The following RNGTT variants were observed in gnomAD, a reference collection of about 807,000 sequenced individuals.
RNGTT encodes the protein RNA guanylyltransferase and 5'-phosphatase, also known as mRNA-capping enzyme.
Under a neutral mutation model 79.3 loss-of-function variants are expected in RNGTT, and 33 were observed. The observed-to-expected ratio is 0.42, with a 90% confidence interval of 0.32 to 0.56. RNGTT has a LOEUF of 0.56. RNGTT is among the 20% of genes least tolerant of loss of function. The pLI, the probability that RNGTT is intolerant of heterozygous loss-of-function variation, is 0.17. For synonymous variants in RNGTT, 222 were observed against 235.9 expected (o/e 0.94, Z 0.54); for missense variants, 497 against 739.1 (o/e 0.67, Z 3.80).
intron 14 of RNGTT, among the ~76,000 whole-genome samples, chr6:88,655,686 G>A (rs776828796): frequency 3.9e-5 from 6 of 152,128 alleles, no homozygotes; most frequent in African/African-American, 1.4e-4. Context: ...TTAAAATATA[G>A]AAGACTTTTT....
chr6:88,745,591 T>C lies in RNGTT; in HGVS notation c.1439+24183A>G, dbSNP rs190802454. The stretch of plus-strand genomic sequence containing the variant: ...TGTTTCTACTTTTTATTATGGTTAC[T>C]AGAAAAATTTAATTACATGTGTGAC... On this transcript the variant is annotated intron_variant, in intron 13 of 15. Coordinates refer to ENST00000369485, the MANE Select transcript of RNGTT (RefSeq NM_003800.5). Among the ~76,000 whole-genome samples, 144 of 152,350 alleles carry C rather than the reference T, an allele frequency of 9.5e-4. 1 individual carries two copies. The highest frequency in any genetic ancestry group is 1.7e-3 in the Non-Finnish European group (115 of 68,034).
chr6:88,624,729 G>C (rs1290214949), intron 14 of RNGTT, among the ~76,000 whole-genome samples: 1 of 151,754 alleles, frequency 6.6e-6, no homozygotes, highest in Non-Finnish European at 1.5e-5. Flanking sequence ...CTGATAAACT[G>C]CATCAAAATT....
intron 14 of RNGTT, among the ~76,000 whole-genome samples, chr6:88,628,950 T>C (rs143035236): frequency 8.5e-5 from 13 of 152,272 alleles, no homozygotes; most frequent in African/African-American, 2.4e-4. Flanking sequence ...TCATAGGTCA[T>C]GCTGAGTTTA....
At chr6:88,950,459 T>G (rs1223338146) in intron 1 of RNGTT, among the ~76,000 whole-genome samples, 1 of 152,170 alleles carries the variant, frequency 6.6e-6, no homozygotes. Flanking sequence ...CTCTGATGAA[T>G]CTGGGCAAAA....
At chr6:88,755,408 C>G (rs533611235) in intron 13 of RNGTT, among the ~76,000 whole-genome samples, 106 of 151,970 alleles carry the variant, frequency 7.0e-4, no homozygotes, top group South Asian at 1.7e-3. Context: ...CAAAAAAATT[C>G]TTGAAATAAA....
intron 1 of RNGTT, among the ~76,000 whole-genome samples, chr6:88,949,158 T>TAAA (rs1491197999): frequency 1.1e-4 from 2 of 18,008 alleles, no homozygotes; most frequent in East Asian, 1.3e-3. Context: ...TAAAATAAAA[T>TAAA]GAAAAAAAAA....
intron 11 of RNGTT, among the ~76,000 whole-genome samples, chr6:88,825,346 A>T (rs1472782734): frequency 2.6e-5 from 4 of 152,236 alleles, no homozygotes; most frequent in African/African-American, 9.6e-5. Flanking sequence ...ACATGGGTGG[A>T]GGTACACAGT....
chr6:88,801,822 G>GACACACACACACAC (rs56124919), intron 11 of RNGTT, among the ~76,000 whole-genome samples, 190 bp from the exon 12 acceptor site: 1 of 123,174 alleles, frequency 8.1e-6, no homozygotes, highest in Non-Finnish European at 1.8e-5. Context: ...CACACACACA[G>GACACACACACACAC]ACACACACAC....
chr6:88,774,886 T>C (rs554985781), intron 12 of RNGTT, among the ~76,000 whole-genome samples: 1 of 152,274 alleles, frequency 6.6e-6, no homozygotes, highest in East Asian at 1.9e-4. Context: ...GTTTTGGAAA[T>C]AGACAGTGGA....
chr6:88,739,201 T>C (rs1209170081), intron 13 of RNGTT, among the ~76,000 whole-genome samples: 3 of 152,102 alleles, frequency 2.0e-5, no homozygotes, highest in Non-Finnish European at 4.4e-5. Context: ...ACTATTCTTA[T>C]TATTAACAAG....
intron 13 of RNGTT, among the ~76,000 whole-genome samples, chr6:88,698,271 T>TATAAATATATATATG (rs1562202368): frequency 5.3e-5 from 5 of 93,906 alleles, no homozygotes; most frequent in African/African-American, 3.7e-4. Context: ...ATATATATGA[T>TATAAATATATATATG]ATATATATTT....
intron 13 of RNGTT, among the ~76,000 whole-genome samples, chr6:88,754,368 T>C (rs752823478): frequency 1.3e-5 from 2 of 152,200 alleles, no homozygotes; most frequent in South Asian, 2.1e-4. Context: ...GACCTTCCTA[T>C]GGGCTGAACA....
chr6:88,790,517 C>T (rs757202089), intron 12 of RNGTT, among the ~76,000 whole-genome samples: 5 of 152,102 alleles, frequency 3.3e-5, no homozygotes, highest in Admixed American at 1.3e-4. Context: ...TTCTCTACTC[C>T]AAGAATAGTA....
At chr6:88,647,715 A>AAAAAAAAAAAAAAAAAAAAAAAAAAAAG (rs531898293) in intron 14 of RNGTT, among the ~76,000 whole-genome samples, 11 of 142,434 alleles carry the variant, frequency 7.7e-5, no homozygotes, top group African/African-American at 3.3e-4. Flanking sequence ...AAAAAAAAAA[A>AAAAAAAAAAAAAAAAAAAAAAAAAAAAG]AAGAAGAAGA....
intron 1 of RNGTT, among the ~76,000 whole-genome samples, chr6:88,945,070 A>C (rs560429347): frequency 6.6e-6 from 1 of 152,342 alleles, no homozygotes; most frequent in East Asian, 1.9e-4. Context: ...ATAGTCCTAC[A>C]TCTTCAATGT....
chr6:88,667,945 A>G (rs1774480040), intron 14 of RNGTT, among the ~76,000 whole-genome samples: 1 of 152,196 alleles, frequency 6.6e-6, no homozygotes, highest in Non-Finnish European at 1.5e-5. Flanking sequence ...AAAGAACAGG[A>G]TATTCCCCTT....
At chr6:88,835,466 A>T (rs1289157278) in intron 11 of RNGTT, among the ~76,000 whole-genome samples, 1 of 152,224 alleles carries the variant, frequency 6.6e-6, no homozygotes, top group Non-Finnish European at 1.5e-5. Context: ...AAGAGAATGC[A>T]TTATTATTTT....
intron 11 of RNGTT, among the ~76,000 whole-genome samples, chr6:88,831,413 T>C (rs1470770556): frequency 6.6e-6 from 1 of 152,170 alleles, no homozygotes; most frequent in Non-Finnish European, 1.5e-5. Flanking sequence ...AACCTCTCAA[T>C]AGACTAGGTA....
intron 12 of RNGTT, among the ~76,000 whole-genome samples, chr6:88,779,014 C>A (rs1778978537): frequency 6.6e-6 from 1 of 152,146 alleles, no homozygotes; most frequent in African/African-American, 2.4e-5. Flanking sequence ...GTTGAAACTG[C>A]AACATTTTCC....
Sources: gnomAD v4.1 joint callset for allele counts (sites outside exome capture counted in the v4.1 genomes callset) on GRCh38, gnomAD v4.1.1 for gene constraint, MANE v1.5 for transcripts, NCBI Gene and HGNC (gene_info 2026-07-23, HGNC 2026-07-21) for gene names.